The following ING5 variants were observed in gnomAD, a reference collection of about 807,000 sequenced individuals.
The protein encoded by ING5 is inhibitor of growth protein 5.
In ING5, 17 loss-of-function variants were observed where a neutral mutation model predicts 37.4. The ratio of observed to expected loss-of-function variants is 0.45; its 90% CI spans 0.31 to 0.68. ING5 has a LOEUF of 0.68. Ranked by LOEUF, ING5 falls within the 30% of genes least tolerant of loss-of-function variation. The probability of loss-of-function intolerance (pLI) is 0.05; values close to 1 mark genes in which losing one functional copy is unlikely to be tolerated. For synonymous variants in ING5, 123 were observed against 116.6 expected (o/e 1.06, Z -0.36); for missense variants, 233 against 311.9 (o/e 0.75, Z 1.91).
In ING5 at chr2:241,728,719, C is replaced by A. The variant is rs191052718; in HGVS notation, c.*3688C>A. ...GACCCCTGGGCGGGTGGACATGAGACCACTGTTGGCCAGGGACGCCGTGCG... is the reference window on the plus strand; with the variant it reads ...GACCCCTGGGCGGGTGGACATGAGAACACTGTTGGCCAGGGACGCCGTGCG... On this transcript the variant is annotated 3_prime_UTR_variant, in exon 8 of 8. Coordinates refer to ENST00000313552, the MANE Select transcript of ING5 (RefSeq NM_032329.6). 6.6e-6 allele frequency: 1 copy of A among 151,882 alleles called. No individual in the cohort carries two copies. Among genetic ancestry groups the A allele is most frequent in the Non-Finnish European group, 1.5e-5 (1 of 67,974 alleles). The allele number at this position is 151,882 out of a possible 1,614,324, so 9.4% of individuals were successfully genotyped here.
exon 1 of ING5, chr2:241,688,052 A>C (rs1344596916): frequency 1.3e-5 from 2 of 152,228 alleles, no homozygotes; most frequent in Non-Finnish European, 2.9e-5. Context: ...GGCTGCCTGG[A>C]CATTTCTCAG....
At chr2:241,692,790 T>C (rs2069574195) in intron 2 of ING5, among the ~76,000 whole-genome samples, 2 of 151,988 alleles carry the variant, frequency 1.3e-5, no homozygotes, top group South Asian at 4.2e-4. Flanking sequence ...AAACCTTAGC[T>C]CAGAACTCCT....
chr2:241,710,547 C>T (rs2070076807), intron 3 of ING5, among the ~76,000 whole-genome samples: 1 of 151,952 alleles, frequency 6.6e-6, no homozygotes. Flanking sequence ...TGCAATGCCA[C>T]GATCTTGGCT....
intron 5 of ING5, chr2:241,721,534 G>A: frequency 1.0e-6 from 1 of 985,460 alleles, no homozygotes; most frequent in Middle Eastern, 5.2e-4. Context: ...AAAAGCTTTA[G>A]ACAGGTATCC....
upstream of ING5, chr2:241,687,075 G>C: frequency 5.0e-6 from 2 of 397,484 alleles, no homozygotes; most frequent in Admixed American, 4.5e-5. Flanking sequence ...TCCGGGAGGG[G>C]AGGTGACGCG....
At chr2:241,722,499 C>A (rs1002359124) in intron 5 of ING5, 1 of 985,308 alleles carries the variant, frequency 1.0e-6, no homozygotes, top group East Asian at 1.1e-4. Flanking sequence ...GAGGTCTCCA[C>A]CCCTCTGCTG....
intron 2 of ING5, among the ~76,000 whole-genome samples, chr2:241,705,698 G>T (rs1484109547): frequency 6.6e-6 from 1 of 152,146 alleles, no homozygotes. Flanking sequence ...GAGCCACCGC[G>T]CCCGGCCCTT....
rs1441483327 is a variant in ING5, at chr2:241,703,073, G to T, written c.37+971G>T. On this transcript the variant is annotated intron_variant, in intron 1 of 7. Transcript: ENST00000313552. Reference sequence around the variant, plus strand: ...CCCATGTGCTCCGCTGTCTCTTGGGGGTCTGAGTAGTGGGGGGTTCCCTGG... The same window carrying T: ...CCCATGTGCTCCGCTGTCTCTTGGGTGTCTGAGTAGTGGGGGGTTCCCTGG... Among the ~76,000 whole-genome samples, 5 of 152,306 alleles carry T rather than the reference G, an allele frequency of 3.3e-5. 1 individual carries two copies. The East Asian group carries it at 9.6e-4, about 29-fold the overall frequency.
Position 241,712,446 on chromosome 2 carries a change from C to T in ING5, c.482+375C>T, listed in dbSNP as rs1575130853. 3 of 184,970 alleles carry T rather than the reference C, an allele frequency of 1.6e-5. No homozygotes were observed. In the East Asian group the frequency reaches 4.2e-4, roughly 26 times the overall value. 11.5% of individuals were successfully genotyped at this position (184,970 alleles called of 1,614,324 possible). A position where few individuals can be genotyped will look rare whatever the true frequency, so the allele number is the denominator to read the frequency against. On this transcript the variant is annotated intron_variant, in intron 5 of 7. Transcript: ENST00000313552. Reference sequence around the variant, plus strand: ...CCAATGTAGACCACTCTTTAAGTAGCTAGATTTCTGTATATCTGTCAGTTA... The same window carrying T: ...CCAATGTAGACCACTCTTTAAGTAGTTAGATTTCTGTATATCTGTCAGTTA...
At chr2:241,690,295 T>G (rs1306903894) in exon 2 of ING5, 1 of 272,218 alleles carries the variant, frequency 3.7e-6, no homozygotes, top group Non-Finnish European at 6.9e-6. Context: ...TTAGGATACC[T>G]TTTAGCACAG....
At chr2:241,706,118 TC>T (rs1169076326) in intron 2 of ING5, among the ~76,000 whole-genome samples, 2 of 152,188 alleles carry the variant, frequency 1.3e-5, no homozygotes, top group Non-Finnish European at 2.9e-5. Context: ...GTGTGTGCTT[TC>T]TTTCCGCAGA....
At chr2:241,707,600 TGTTTTGCAAGACTGA>T (rs1454296095) in intron 2 of ING5, among the ~76,000 whole-genome samples, 37 of 152,276 alleles carry the variant, frequency 2.4e-4, no homozygotes, top group African/African-American at 8.2e-4. Flanking sequence ...CCTGGGCACA[TGTTTTGCAAGACTGA>T]GATAGCTGTG....
At chr2:241,693,652 C>CTTTTTTTTTT (rs1185556171) in intron 2 of ING5, among the ~76,000 whole-genome samples, 7 of 78,566 alleles carry the variant, frequency 8.9e-5, no homozygotes, top group East Asian at 4.1e-4. Context: ...AAATACAACT[C>CTTTTTTTTTT]TTTTTTTTTT....
chr2:241,689,092 C>T (rs1328608111), intron 1 of ING5, among the ~76,000 whole-genome samples: 1 of 150,690 alleles, frequency 6.6e-6, no homozygotes, highest in South Asian at 2.1e-4. Context: ...TGAGCCACTG[C>T]GCCCGGCCAA....
At chr2:241,714,784 CAG>C (rs1342431924) in intron 5 of ING5, among the ~76,000 whole-genome samples, 1 of 151,742 alleles carries the variant, frequency 6.6e-6, no homozygotes, top group Non-Finnish European at 1.5e-5. Context: ...TTTGTAGAGA[CAG>C]GGTTTCATCA....
intron 5 of ING5, chr2:241,719,478 C>T (rs2070371286): frequency 7.3e-7 from 1 of 1,361,166 alleles, no homozygotes; most frequent in Admixed American, 2.0e-5. Flanking sequence ...TGTTTTCTAA[C>T]TCAGTGGCAA....
chr2:241,713,663 G>A (rs2070185760), intron 5 of ING5, among the ~76,000 whole-genome samples: 1 of 151,032 alleles, frequency 6.6e-6, no homozygotes, highest in African/African-American at 2.4e-5. Context: ...GAGCCACTGT[G>A]CCCAGCCCCA....
chr2:241,699,162 T>C (rs1037388201), upstream of ING5, among the ~76,000 whole-genome samples: 1 of 151,400 alleles, frequency 6.6e-6, no homozygotes, highest in Non-Finnish European at 1.5e-5. Context: ...GCAGCTGAGA[T>C]TGCAGGCCCA....
chr2:241,698,806 G>A (rs528167333), upstream of ING5, among the ~76,000 whole-genome samples: 3 of 152,220 alleles, frequency 2.0e-5, no homozygotes, highest in African/African-American at 7.2e-5. Context: ...TTGGCTCACC[G>A]CAGCCTCTGC....
Sources: allele counts gnomAD v4.1 joint callset (sites outside exome capture counted in the v4.1 genomes callset), GRCh38; gene constraint gnomAD v4.1.1; transcripts MANE v1.5; gene names NCBI Gene and HGNC (gene_info 2026-07-23, HGNC 2026-07-21).